SAMD8: variants seen among roughly 807,000 people sequenced by gnomAD.
SAMD8 encodes sterile alpha motif domain containing 8.
A neutral mutation model predicts 42.0 loss-of-function variants in SAMD8; 20 were observed. The ratio of observed to expected loss-of-function variants is 0.48; its 90% CI spans 0.34 to 0.69. SAMD8 has a LOEUF of 0.69. SAMD8 is among the 30% of genes least tolerant of loss of function. The probability of loss-of-function intolerance (pLI) is 0.01; values close to 1 mark genes in which losing one functional copy is unlikely to be tolerated. For missense variants in SAMD8, 328 were observed against 511.6 expected, an observed-to-expected ratio of 0.64 and a Z score of 3.46; for synonymous variants, 162 against 173.0, an observed-to-expected ratio of 0.94 and a Z score of 0.50.
chr10:75,152,059 A>T (rs10824283), intron 2 of SAMD8, among the ~76,000 whole-genome samples: 31,648 of 89,168 alleles, frequency 0.35, 4,826 homozygotes, highest in African/African-American at 0.57. Context: ...GCCTTTTTTT[A>T]TTTTTTTTTA....
chr10:75,138,236 T>C (rs986243320), intron 1 of SAMD8, among the ~76,000 whole-genome samples: 2 of 152,216 alleles, frequency 1.3e-5, no homozygotes, highest in Admixed American at 1.3e-4. Flanking sequence ...CTAGAAAGGA[T>C]ACTGAGTGCT....
At chr10:75,134,743 T>G (rs1849348079) in intron 1 of SAMD8, among the ~76,000 whole-genome samples, 2 of 152,252 alleles carry the variant, frequency 1.3e-5, no homozygotes, top group South Asian at 4.1e-4. Context: ...TAGAAGATTT[T>G]GAATGTTATC....
chr10:75,149,419 T>C (rs1302865182), intron 1 of SAMD8, among the ~76,000 whole-genome samples: 1 of 152,220 alleles, frequency 6.6e-6, no homozygotes, highest in Non-Finnish European at 1.5e-5. Flanking sequence ...GACAGTTTTC[T>C]TTTAAAAATT....
intron 1 of SAMD8, among the ~76,000 whole-genome samples, chr10:75,145,335 A>T (rs761848478): frequency 2.2e-4 from 33 of 152,178 alleles, no homozygotes; most frequent in Non-Finnish European, 4.3e-4. Flanking sequence ...AATTTTATTA[A>T]ATGTGTCAGT....
At chr10:75,122,738 G>A (rs748971598) in intron 1 of SAMD8, among the ~76,000 whole-genome samples, 11 of 152,074 alleles carry the variant, frequency 7.2e-5, no homozygotes, top group Admixed American at 1.3e-4. Context: ...GGGCAACATA[G>A]CAAGACCCCG....
intron 2 of SAMD8, among the ~76,000 whole-genome samples, chr10:75,164,210 C>G (rs1407898620): frequency 1.3e-5 from 2 of 152,064 alleles, no homozygotes; most frequent in Non-Finnish European, 2.9e-5. Context: ...AGAGCAAGAC[C>G]CTGTTTCAAA....
Position 75,128,021 on chromosome 10 carries a change from G to A in SAMD8, c.-16+16299G>A, listed in dbSNP as rs76491067. 8.9e-4 allele frequency among the ~76,000 whole-genome samples: 126 copies of A among 141,370 alleles called. No homozygotes were observed. The East Asian group carries it at 0.02, about 22-fold the overall frequency. 92.7% of individuals were successfully genotyped at this position (141,370 alleles called of 152,430 possible). On this transcript the variant is annotated intron_variant, in intron 1 of 5. Transcript: ENST00000542569. ...CTGTATTATTTTGAACCTTAAAACT[G>A]TTTTAACAGCCCTCTAAAATTAATC...
intron 2 of SAMD8, among the ~76,000 whole-genome samples, chr10:75,154,504 A>G (rs1356898934): frequency 6.6e-6 from 1 of 152,226 alleles, no homozygotes; most frequent in African/African-American, 2.4e-5. Context: ...AGAGATGAGC[A>G]GATCTGAGAG....
intron 4 of SAMD8, among the ~76,000 whole-genome samples, chr10:75,174,100 TGTGTG>T (rs1358065303): frequency 2.0e-5 from 3 of 152,154 alleles, no homozygotes; most frequent in African/African-American, 7.2e-5. Flanking sequence ...TGCCTTTTTG[TGTGTG>T]GTTTTTGTTG....
chr10:75,172,342 G>T (rs1564696984), intron 4 of SAMD8, among the ~76,000 whole-genome samples: 1 of 151,890 alleles, frequency 6.6e-6, no homozygotes, highest in African/African-American at 2.4e-5. Flanking sequence ...TTTAGTCATT[G>T]TTTTTTTAAG....
intron 1 of SAMD8, chr10:75,104,197 T>G (rs1848354678): frequency 1.2e-6 from 1 of 810,438 alleles, no homozygotes; most frequent in Middle Eastern, 3.8e-4. Context: ...CTAAACCTGC[T>G]TCTGCCTTGA....
At chr10:75,158,528 G>A (rs1481519861) in intron 2 of SAMD8, among the ~76,000 whole-genome samples, 1 of 152,044 alleles carries the variant, frequency 6.6e-6, no homozygotes, top group African/African-American at 2.4e-5. Context: ...GGAGGTGGAG[G>A]TTGCAGTGAG....
At chr10:75,150,118 GT>G (rs74798749) in intron 1 of SAMD8, among the ~76,000 whole-genome samples, 36,567 of 146,368 alleles carry the variant, frequency 0.25, 5,009 homozygotes, top group East Asian at 0.58. Flanking sequence ...ATAGTTTTTT[GT>G]TTTTTTTTCT....
chr10:75,138,879 T>C (rs1454318897), intron 1 of SAMD8, among the ~76,000 whole-genome samples: 1 of 152,208 alleles, frequency 6.6e-6, no homozygotes, highest in East Asian at 1.9e-4. Context: ...TAATTCCTGT[T>C]GATAATCGGA....
chr10:75,160,245 G>A (rs1218490285), intron 2 of SAMD8, among the ~76,000 whole-genome samples: 1 of 151,908 alleles, frequency 6.6e-6, no homozygotes, highest in Non-Finnish European at 1.5e-5. Flanking sequence ...CGCCCAGGCT[G>A]GAGTGCAGTG....
In SAMD8 at chr10:75,177,643, C is replaced by T. The variant is rs572438029; in HGVS notation, c.*951C>T. On this transcript the variant is annotated 3_prime_UTR_variant, in exon 6 of 6. Coordinates refer to ENST00000542569, the MANE Select transcript of SAMD8 (RefSeq NM_001174156.2). ...TTGTTTTCTCCTGAAAAGAAACTTACAGCACGCAAAATATAACTTTTTGGT... is the reference window on the plus strand; with the variant it reads ...TTGTTTTCTCCTGAAAAGAAACTTATAGCACGCAAAATATAACTTTTTGGT... 6.6e-6 allele frequency: 1 copy of T among 152,198 alleles called. No homozygotes were observed. The highest frequency in any genetic ancestry group is 2.4e-5 in the African/African-American group (1 of 41,450). 9.4% of individuals were successfully genotyped at this position (152,198 alleles called of 1,614,324 possible).
Position 75,124,970 on chromosome 10 carries a change from A to G in SAMD8, c.-16+13248A>G, listed in dbSNP as rs76667913. On this transcript the variant is annotated intron_variant, in intron 1 of 5. Coordinates refer to ENST00000542569, the MANE Select transcript of SAMD8 (RefSeq NM_001174156.2). ...TTGTTTTTGTTTGTTTGTTTTTTAC[A>G]GAGATGGGATTTCACGATGTTGCCC... Among the ~76,000 whole-genome samples the G allele has an allele frequency of 4.2e-4, 64 of 151,972 alleles. 1 individual carries two copies. The East Asian group carries it at 0.012, about 29-fold the overall frequency.
intron 1 of SAMD8, among the ~76,000 whole-genome samples, chr10:75,115,513 G>C (rs375764173): frequency 5.7e-4 from 87 of 152,258 alleles, no homozygotes; most frequent in African/African-American, 2.0e-3. Context: ...CCTGTGATGT[G>C]AATATTCCTG....
chr10:75,164,866 T>C, intron 3 of SAMD8, 126 bp downstream of exon 3: 1 of 700,204 alleles, frequency 1.4e-6, no homozygotes, highest in Non-Finnish European at 2.5e-6. Context: ...ACATAGTTAT[T>C]AACAAAGGAT....
Sources: gnomAD v4.1 joint callset for allele counts (sites outside exome capture counted in the v4.1 genomes callset) on GRCh38, gnomAD v4.1.1 for gene constraint, MANE v1.5 for transcripts, NCBI Gene and HGNC (gene_info 2026-07-23, HGNC 2026-07-21) for gene names.